The following ERBB4 variants were observed in gnomAD, a reference collection of about 807,000 sequenced individuals.
ERBB4 encodes receptor tyrosine-protein kinase erbB-4.
In ERBB4, 42 loss-of-function variants were observed where a neutral mutation model predicts 158.0. The ratio of observed to expected loss-of-function variants is 0.27; its 90% CI spans 0.21 to 0.34. The LOEUF is 0.34. ERBB4 is among the 10% of genes least tolerant of loss of function. The pLI is 1.00. For synonymous variants in ERBB4, 583 were observed against 558.7 expected, an observed-to-expected ratio of 1.04 and a Z score of -0.61; for missense variants, 1,333 against 1,624.1, an observed-to-expected ratio of 0.82 and a Z score of 3.08.
At chr2:212,169,932 T>C (rs922880568) in intron 1 of ERBB4, among the ~76,000 whole-genome samples, 2 of 152,174 alleles carry the variant, frequency 1.3e-5, no homozygotes, top group Non-Finnish European at 2.9e-5. Context: ...ACCTCTTTTC[T>C]TTATAAATTA....
chr2:211,874,496 G>A (rs937517004), intron 3 of ERBB4, among the ~76,000 whole-genome samples: 9 of 152,064 alleles, frequency 5.9e-5, no homozygotes, highest in African/African-American at 2.2e-4. Context: ...AATTTTAAAG[G>A]ACTGGGTGAA....
At chr2:212,376,301 G>A (rs1055024082) in intron 1 of ERBB4, among the ~76,000 whole-genome samples, 7 of 152,136 alleles carry the variant, frequency 4.6e-5, no homozygotes, top group South Asian at 2.1e-4. Flanking sequence ...GCTACCAAGA[G>A]GTGGAAGTGC....
At chr2:211,396,223 T>G (rs566051977) in intron 25 of ERBB4, among the ~76,000 whole-genome samples, 1 of 152,150 alleles carries the variant, frequency 6.6e-6, no homozygotes, top group Non-Finnish European at 1.5e-5. Context: ...GCTAAGAAAA[T>G]TAATAGCTTA....
intron 7 of ERBB4, among the ~76,000 whole-genome samples, chr2:211,720,288 G>T (rs781425155): frequency 1.3e-5 from 2 of 152,148 alleles, no homozygotes; most frequent in African/African-American, 2.4e-5. Context: ...TTCTGTCTTT[G>T]GTATCCTTCA....
rs534634224 is a variant in ERBB4, at chr2:212,366,002, G to T, written c.82+172447C>A. On this transcript the variant is annotated intron_variant, in intron 1 of 27. Coordinates refer to ENST00000342788, the MANE Select transcript of ERBB4 (RefSeq NM_005235.3). ...AACAATGACAATTAGGAATATAGCA[G>T]ATAAATACCTTCAAATCTAAGAAAA... 4.6e-5 allele frequency among the ~76,000 whole-genome samples: 7 copies of T among 151,966 alleles called. No homozygotes were observed. In the South Asian group the frequency reaches 1.4e-3, roughly 31 times the overall value.
intron 1 of ERBB4, among the ~76,000 whole-genome samples, chr2:212,411,762 T>C (rs1282594108): frequency 6.6e-6 from 1 of 152,172 alleles, no homozygotes; most frequent in Non-Finnish European, 1.5e-5. Flanking sequence ...TATTTCTTCC[T>C]GAAGTTCCCC....
chr2:211,472,882 C>T (rs1190410983), intron 20 of ERBB4, among the ~76,000 whole-genome samples: 1 of 151,338 alleles, frequency 6.6e-6, no homozygotes, highest in African/African-American at 2.4e-5. Flanking sequence ...CTAAACACAA[C>T]CTCAACAATA....
intron 1 of ERBB4, among the ~76,000 whole-genome samples, chr2:212,186,010 C>T (rs1408278036): frequency 4.6e-5 from 7 of 152,110 alleles, no homozygotes; most frequent in African/African-American, 1.4e-4. Flanking sequence ...AAAACAGCTA[C>T]GTTAGCATTG....
chr2:212,459,138 T>C (rs889523001), intron 1 of ERBB4, among the ~76,000 whole-genome samples: 1 of 152,194 alleles, frequency 6.6e-6, no homozygotes, highest in Non-Finnish European at 1.5e-5. Flanking sequence ...TTGGGTTTTA[T>C]ATATAAGAAA....
chr2:212,007,688 T>C (rs1438638753), intron 2 of ERBB4, among the ~76,000 whole-genome samples: 1 of 151,874 alleles, frequency 6.6e-6, no homozygotes, highest in Non-Finnish European at 1.5e-5. Flanking sequence ...ATCTAATCCT[T>C]AAGCACTACA....
intron 25 of ERBB4, among the ~76,000 whole-genome samples, chr2:211,393,706 A>G (rs2062851197): frequency 6.6e-6 from 1 of 151,752 alleles, no homozygotes; most frequent in Non-Finnish European, 1.5e-5. Context: ...CATAAACTGG[A>G]AAGAAGGAAA....
At chr2:211,614,619 A>T (rs1486199309) in intron 19 of ERBB4, among the ~76,000 whole-genome samples, 1 of 152,114 alleles carries the variant, frequency 6.6e-6, no homozygotes, top group Non-Finnish European at 1.5e-5. Context: ...AAGAGTTACT[A>T]TGTGAAGCCA....
At chr2:211,386,724 T>C in intron 27 of ERBB4, 129 bp downstream of exon 27, 1 of 786,998 alleles carries the variant, frequency 1.3e-6, no homozygotes, top group East Asian at 2.6e-5. Context: ...CAAGTAGCAG[T>C]AGCCTAGGCC....
At chr2:212,461,131 C>G (rs1574963432) in intron 1 of ERBB4, among the ~76,000 whole-genome samples, 1 of 152,142 alleles carries the variant, frequency 6.6e-6, no homozygotes, top group East Asian at 1.9e-4. Flanking sequence ...GGGTGGGAAC[C>G]CCCCCTCCAC....
At chr2:211,700,220 G>T (rs949992180) in intron 12 of ERBB4, among the ~76,000 whole-genome samples, 1 of 152,068 alleles carries the variant, frequency 6.6e-6, no homozygotes, top group African/African-American at 2.4e-5. Flanking sequence ...CTACTTTGGG[G>T]CATGTACACA....
intron 2 of ERBB4, among the ~76,000 whole-genome samples, chr2:212,003,579 C>A (rs1025180357): frequency 1.4e-4 from 22 of 152,046 alleles, no homozygotes; most frequent in Admixed American, 1.4e-3. Context: ...GAGGCTACAC[C>A]CTTTACAATC....
chr2:211,888,791 C>T (rs1360452545), intron 3 of ERBB4, among the ~76,000 whole-genome samples: 2 of 151,914 alleles, frequency 1.3e-5, no homozygotes, highest in African/African-American at 4.8e-5. Flanking sequence ...GGGTGACGGA[C>T]GCACCTGGAA....
chr2:212,127,615 A>C (rs532692520), intron 1 of ERBB4, among the ~76,000 whole-genome samples: 12 of 152,272 alleles, frequency 7.9e-5, no homozygotes, highest in African/African-American at 2.9e-4. Flanking sequence ...TATTTAAAAA[A>C]ACACATTATG....
chr2:212,007,101 A>G (rs947038810), intron 2 of ERBB4, among the ~76,000 whole-genome samples: 4 of 152,150 alleles, frequency 2.6e-5, no homozygotes, highest in African/African-American at 9.6e-5. Flanking sequence ...ATTGCTGTCA[A>G]TATGCCAAAC....
Sources: allele counts gnomAD v4.1 joint callset (sites outside exome capture counted in the v4.1 genomes callset), GRCh38; gene constraint gnomAD v4.1.1; transcripts MANE v1.5; gene names NCBI Gene and HGNC (gene_info 2026-07-23, HGNC 2026-07-21).